IFTAP: variants seen among roughly 807,000 people sequenced by gnomAD.
The protein encoded by IFTAP is intraflagellar transport-associated protein.
Under a neutral mutation model 19.4 loss-of-function variants are expected in IFTAP, and 19 were observed. That is an observed-to-expected ratio of 0.98 (90% CI 0.68 to 1.44). The LOEUF (loss-of-function observed/expected upper bound fraction) is 1.44. Ranked by LOEUF, IFTAP falls within the 40% of genes most tolerant of loss-of-function variation. The probability of loss-of-function intolerance (pLI) is 0.00; values close to 1 mark genes in which losing one functional copy is unlikely to be tolerated. For synonymous variants in IFTAP, 85 were observed against 83.5 expected (o/e 1.02, Z -0.10); for missense variants, 240 against 253.6 (o/e 0.95, Z 0.36).
intron 2 of IFTAP, among the ~76,000 whole-genome samples, chr11:36,622,978 CTA>C (rs1256451903): frequency 7.2e-5 from 11 of 152,224 alleles, no homozygotes; most frequent in African/African-American, 2.6e-4. Context: ...GGATGCAATA[CTA>C]TGTCTCCACA....
At chr11:36,621,703 T>C (rs765328483) in intron 2 of IFTAP, among the ~76,000 whole-genome samples, 4 of 152,004 alleles carry the variant, frequency 2.6e-5, no homozygotes, top group Non-Finnish European at 5.9e-5. Flanking sequence ...TTCTGTGTTT[T>C]AAGCATTGAG....
chr11:36,614,406 T>C (rs1365282762), intron 2 of IFTAP, among the ~76,000 whole-genome samples: 9 of 148,984 alleles, frequency 6.0e-5, no homozygotes, highest in Admixed American at 4.7e-4. Flanking sequence ...TATAGCAGCA[T>C]GATTTATAGT....
intron 5 of IFTAP, among the ~76,000 whole-genome samples, chr11:36,651,415 T>C (rs1565032651): frequency 6.6e-6 from 1 of 152,228 alleles, no homozygotes; most frequent in African/African-American, 2.4e-5. Flanking sequence ...TTTTTTCTTG[T>C]AAATTTGTTT....
chr11:36,609,939 C>G, intron 1 of IFTAP, 142 bp from the exon 2 acceptor site: 1 of 665,038 alleles, frequency 1.5e-6, no homozygotes, highest in African/African-American at 1.9e-5. Flanking sequence ...ACTCTGGTCT[C>G]TTGAACTAGA....
chr11:36,642,399 C>G (rs890688577), intron 4 of IFTAP, among the ~76,000 whole-genome samples: 3 of 152,072 alleles, frequency 2.0e-5, no homozygotes, highest in Non-Finnish European at 4.4e-5. Context: ...CAGGACCAGA[C>G]AGATTCACAG....
intron 2 of IFTAP, among the ~76,000 whole-genome samples, chr11:36,616,216 A>G (rs981320562): frequency 1.3e-5 from 2 of 151,988 alleles, no homozygotes; most frequent in African/African-American, 4.8e-5. Context: ...TTGCCACATA[A>G]TAACAGCTTT....
At chr11:36,611,322 C>T (rs1270713523) in intron 2 of IFTAP, among the ~76,000 whole-genome samples, 1 of 151,978 alleles carries the variant, frequency 6.6e-6, no homozygotes, top group African/African-American at 2.4e-5. Flanking sequence ...TCACCTGACT[C>T]GCTTTTAGAA....
At chr11:36,623,300 G>A (rs1470789796) in intron 2 of IFTAP, among the ~76,000 whole-genome samples, 1 of 149,468 alleles carries the variant, frequency 6.7e-6, no homozygotes, top group Non-Finnish European at 1.5e-5. Flanking sequence ...GTCCATTTTT[G>A]TATATATTAT....
At chr11:36,636,376 TTAGG>T (rs1285021456) in intron 4 of IFTAP, among the ~76,000 whole-genome samples, 1 of 152,220 alleles carries the variant, frequency 6.6e-6, no homozygotes, top group African/African-American at 2.4e-5. Context: ...GGATTGATTC[TTAGG>T]TAATTGTCTC....
chr11:36,600,424 A>T (rs956859744), intron 1 of IFTAP, among the ~76,000 whole-genome samples: 3 of 152,204 alleles, frequency 2.0e-5, no homozygotes, highest in Non-Finnish European at 4.4e-5. Context: ...TTAGATTCTC[A>T]TTGGAGTGTG....
chr11:36,658,865 AATTT>A (rs1854103167), intron 5 of IFTAP, among the ~76,000 whole-genome samples, 150 bp from the exon 6 acceptor site: 1 of 152,218 alleles, frequency 6.6e-6, no homozygotes, highest in South Asian at 2.1e-4. Flanking sequence ...TGAATAATTA[AATTT>A]ATTTCTTTAC....
chr11:36,631,745 A>G (rs1444601410), intron 2 of IFTAP, among the ~76,000 whole-genome samples: 4 of 150,672 alleles, frequency 2.7e-5, no homozygotes, highest in Non-Finnish European at 4.4e-5. Context: ...CTCCAACCCA[A>G]CAATGGCTTG....
At chr11:36,640,894 A>G (rs1853169144) in intron 4 of IFTAP, among the ~76,000 whole-genome samples, 1 of 152,230 alleles carries the variant, frequency 6.6e-6, no homozygotes, top group Admixed American at 6.5e-5. Flanking sequence ...TAGGGGAAAG[A>G]TCCATTCAGT....
intron 5 of IFTAP, among the ~76,000 whole-genome samples, chr11:36,658,083 T>C (rs1279236627): frequency 6.6e-6 from 1 of 152,214 alleles, no homozygotes; most frequent in African/African-American, 2.4e-5. Context: ...TTACGAACAT[T>C]GCATAAGCCA....
chr11:36,633,159 G>T (rs1400474053), intron 2 of IFTAP, 125 bp from the exon 3 acceptor site: 26 of 823,912 alleles, frequency 3.2e-5, no homozygotes, highest in Non-Finnish European at 4.2e-5. Flanking sequence ...TGCCTCAAGG[G>T]TTCGGTTTGT....
intron 5 of IFTAP, chr11:36,648,400 A>G (rs1590233299): frequency 5.0e-6 from 2 of 401,040 alleles, no homozygotes; most frequent in Non-Finnish European, 8.9e-6. Context: ...GCCACAGATC[A>G]GTGCTACCCA....
chr11:36,651,079 G>A (rs1039974229), intron 5 of IFTAP, among the ~76,000 whole-genome samples: 17 of 152,188 alleles, frequency 1.1e-4, no homozygotes, highest in Non-Finnish European at 8.8e-5. Flanking sequence ...CCAGTAATGG[G>A]ATGGCTGGGT....
chr11:36,648,099 A>G lies in IFTAP; in HGVS notation c.442A>G (p.Thr148Ala). The G allele has an allele frequency of 6.2e-7, 1 of 1,613,414 alleles. No homozygotes were observed. Among genetic ancestry groups the G allele is most frequent in the Non-Finnish European group, 8.5e-7 (1 of 1,179,576 alleles). ...SCIPFVAQPP[T>A]CEVKPKPSVK... Reference sequence around the variant, plus strand: ...TATCCCTTTTGTGGCCCAGCCTCCTACCTGTGAAGTGAAGCCAAAGCCCAG... The same window carrying G: ...TATCCCTTTTGTGGCCCAGCCTCCTGCCTGTGAAGTGAAGCCAAAGCCCAG... Residue 148 changes from threonine (T) to alanine (A), a missense_variant, in exon 5 of 6, where the codon ACC becomes GCC. Transcript: ENST00000334307.
intron 5 of IFTAP, among the ~76,000 whole-genome samples, chr11:36,650,367 TTTTG>T (rs1281418740): frequency 2.0e-5 from 3 of 151,934 alleles, no homozygotes; most frequent in African/African-American, 4.8e-5. Flanking sequence ...TTTTACCTAA[TTTTG>T]TTTTTTTTAA....
Sources: allele counts gnomAD v4.1 joint callset (sites outside exome capture counted in the v4.1 genomes callset), GRCh38; gene constraint gnomAD v4.1.1; transcripts MANE v1.5; gene names NCBI Gene and HGNC (gene_info 2026-07-23, HGNC 2026-07-21).